The following CENPH variants were observed in gnomAD, a reference collection of about 807,000 sequenced individuals.
The protein encoded by CENPH is CENP-H.
Under a neutral mutation model 42.9 loss-of-function variants are expected in CENPH, and 40 were observed. The ratio of observed to expected loss-of-function variants is 0.93; its 90% confidence interval spans 0.72 to 1.21. The LOEUF (loss-of-function observed/expected upper bound fraction) is 1.21. Ranked by LOEUF, CENPH falls within the 50% of genes most tolerant of loss-of-function variation. The pLI is 0.00. For synonymous variants in CENPH, 88 were observed against 96.5 expected (o/e 0.91, Z 0.52); for missense variants, 302 against 292.9 (o/e 1.03, Z -0.23).
At chr5:69,202,630 G>A in intron 6 of CENPH, 61 bp downstream of exon 6, 1 of 966,018 alleles carries the variant, frequency 1.0e-6, no homozygotes, top group South Asian at 1.4e-5. Context: ...CTTCTTGCTG[G>A]TAACTGTATT....
At chr5:69,206,142 G>A (rs955823353) in intron 7 of CENPH, among the ~76,000 whole-genome samples, 1 of 150,828 alleles carries the variant, frequency 6.6e-6, no homozygotes, top group African/African-American at 2.4e-5. Context: ...TAAGATTACA[G>A]ACGGGATCCT....
intron 5 of CENPH, among the ~76,000 whole-genome samples, chr5:69,202,043 CTG>C (rs1472581777): frequency 6.6e-6 from 1 of 152,202 alleles, no homozygotes; most frequent in Non-Finnish European, 1.5e-5. Context: ...TGAGAAATCT[CTG>C]TACCTTCCAC....
At chr5:69,195,001 G>C (rs1747940786) in intron 3 of CENPH, among the ~76,000 whole-genome samples, 1 of 151,666 alleles carries the variant, frequency 6.6e-6, no homozygotes, top group Non-Finnish European at 1.5e-5. Flanking sequence ...AAGCCAAGGT[G>C]GGTGGATCAC....
At chr5:69,200,747 T>G (rs1179435952) in intron 5 of CENPH, among the ~76,000 whole-genome samples, 1 of 104,422 alleles carries the variant, frequency 9.6e-6, no homozygotes, top group African/African-American at 4.6e-5. Flanking sequence ...TTTTTTTTTT[T>G]TTTTTTGAGA....
intron 7 of CENPH, 181 bp from the exon 8 acceptor site, chr5:69,208,015 T>C (rs1429039377): frequency 7.6e-6 from 3 of 394,558 alleles, no homozygotes; most frequent in Non-Finnish European, 1.4e-5. Flanking sequence ...AATTAAAATA[T>C]TGTTATTTTG....
At position 69,209,851 on chromosome 5, in the gene CENPH, T is replaced by A. The variant is rs765798184; in HGVS notation, c.*52T>A. On this transcript the variant is annotated 3_prime_UTR_variant, in exon 9 of 9. Transcript: ENST00000283006. ...CATTTCTGGCAATCTCAACTCTTATTTGGAATACTTCTGTGCATTTGTCTG... is the reference window on the plus strand; with the variant it reads ...CATTTCTGGCAATCTCAACTCTTATATGGAATACTTCTGTGCATTTGTCTG... 64 of 1,009,152 alleles carry A rather than the reference T, an allele frequency of 6.3e-5. No homozygotes were observed. Among genetic ancestry groups the A allele is most frequent in the Non-Finnish European group, 1.6e-6 (1 of 638,462 alleles). 62.5% of individuals were successfully genotyped at this position (1,009,152 alleles called of 1,614,324 possible). A position where few individuals can be genotyped will look rare whatever the true frequency, so the allele number is the denominator to read the frequency against.
chr5:69,199,684 A>G lies in CENPH; in HGVS notation c.371+2575A>G, dbSNP rs184252279. 3.1e-3 allele frequency among the ~76,000 whole-genome samples: 469 copies of G among 152,244 alleles called. 5 individuals carry two copies. Among genetic ancestry groups the G allele is most frequent in the African/African-American group, 0.011 (457 of 41,542 alleles). On this transcript the variant is annotated intron_variant, in intron 5 of 8. Transcript: ENST00000283006. ...TGGGAGTCCTGATGGTTTCCTGAGA[A>G]GGGAACTCAGGTAAGACAGTTGTAA... is the stretch of plus-strand genomic sequence containing the variant.
chr5:69,190,990 G>A (rs1020617978), intron 1 of CENPH, among the ~76,000 whole-genome samples: 1 of 151,716 alleles, frequency 6.6e-6, no homozygotes, highest in African/African-American at 2.4e-5. Context: ...CCTCACCCTT[G>A]CTGTCATCTT....
Position 69,203,980 on chromosome 5 carries a change from CTA to C in CENPH, c.487+1023_487+1024del, listed in dbSNP as rs1282758621. Among the ~76,000 whole-genome samples the C allele has an allele frequency of 6.0e-4, 71 of 118,132 alleles. 5 individuals are homozygous for C. The highest frequency in any genetic ancestry group is 4.5e-3 in the Admixed American group (46 of 10,142). The allele number at this position is 118,132 out of a possible 152,430, so 77.5% of individuals were successfully genotyped here. A position where few individuals can be genotyped will look rare whatever the true frequency, so the allele number is the denominator to read the frequency against. On this transcript the variant is annotated intron_variant, in intron 7 of 8. Transcript: ENST00000283006. ...AACATTTATATGGACATGGAAATTT[CTA>C]TATATATATATAGAGAGAGAATTTC... is the stretch of plus-strand genomic sequence containing the variant.
rs753226337 is a variant in CENPH at position 69,202,505 on chromosome 5, G to A, written c.372-1G>A. The A allele has an allele frequency of 6.6e-6, 10 of 1,519,752 alleles. No homozygotes were observed. The highest frequency in any genetic ancestry group is 8.1e-6 in the Non-Finnish European group (9 of 1,105,792). 94.1% of individuals were successfully genotyped at this position (1,519,752 alleles called of 1,614,324 possible). ...AAATCATCTTTTTGTTTCCTTTTCAGTGTGCTCATGGATAACATGAAACAC... is the reference window on the plus strand; with the variant it reads ...AAATCATCTTTTTGTTTCCTTTTCAATGTGCTCATGGATAACATGAAACAC... On this transcript the variant is annotated splice_acceptor_variant, in intron 5 of 8. Transcript: ENST00000283006. LOFTEE classifies it high-confidence loss of function.
At chr5:69,197,150 C>G (rs200942253) in intron 5 of CENPH, 41 bp downstream of exon 5, 1 of 1,251,458 alleles carries the variant, frequency 8.0e-7, no homozygotes, top group East Asian at 2.5e-5. Flanking sequence ...AGGATGGGAT[C>G]TGCATAGTGA....
chr5:69,200,910 G>A (rs1171149704), intron 5 of CENPH, among the ~76,000 whole-genome samples: 1 of 150,160 alleles, frequency 6.7e-6, no homozygotes, highest in Non-Finnish European at 1.5e-5. Flanking sequence ...GCTAATTTTT[G>A]TATTTTTAGT....
chr5:69,192,680 C>A (rs1450980659), intron 2 of CENPH, among the ~76,000 whole-genome samples: 1 of 152,138 alleles, frequency 6.6e-6, no homozygotes, highest in Non-Finnish European at 1.5e-5. Context: ...GGACTCACTA[C>A]AACATCCAAC....
At chr5:69,189,885 T>C (rs1364037837) in intron 1 of CENPH, 117 bp downstream of exon 1, 6 of 1,161,632 alleles carry the variant, frequency 5.2e-6, no homozygotes, top group Non-Finnish European at 7.0e-6. Context: ...GTCTCCGTGA[T>C]TGCCTCATTC....
At chr5:69,209,599 A>T (rs959268527) in intron 8 of CENPH, 108 bp from the exon 9 acceptor site, 7 of 603,610 alleles carry the variant, frequency 1.2e-5, no homozygotes, top group African/African-American at 7.5e-5. Context: ...AGAGCTACAC[A>T]TGTAGTAAAT....
chr5:69,198,852 C>T (rs551121222), intron 5 of CENPH, among the ~76,000 whole-genome samples: 1 of 152,132 alleles, frequency 6.6e-6, no homozygotes, highest in South Asian at 2.1e-4. Context: ...GAGGATCAGC[C>T]TCCTGCCTTG....
intron 1 of CENPH, 31 bp from the exon 2 acceptor site, chr5:69,191,764 G>T: frequency 7.3e-7 from 1 of 1,369,930 alleles, no homozygotes; most frequent in South Asian, 1.2e-5. Context: ...CAATAAATAT[G>T]TGACTTTATA....
At chr5:69,196,636 G>T (rs571766207) in intron 4 of CENPH, among the ~76,000 whole-genome samples, 1 of 152,202 alleles carries the variant, frequency 6.6e-6, no homozygotes, top group Admixed American at 6.5e-5. Context: ...GACAGAGCAA[G>T]ATTCCCTCTC....
At position 69,197,235 on chromosome 5, in the gene CENPH, T is replaced by G. The variant is rs557416671; in HGVS notation, c.371+126T>G. ...TGGGGAATAAGGAAAGTGATGAAAT[T>G]TTTGTAGGTCCTCCCCAGAATTACA... On this transcript the variant is annotated intron_variant, in intron 5 of 8. Coordinates refer to ENST00000283006, the MANE Select transcript of CENPH (RefSeq NM_022909.4). 3.8e-5 allele frequency: 19 copies of G among 500,524 alleles called. No individual in the cohort carries two copies. In the South Asian group the frequency reaches 1.0e-3, roughly 27 times the overall value. The allele number at this position is 500,524 out of a possible 1,614,324, so 31.0% of individuals were successfully genotyped here.
Sources: allele counts gnomAD v4.1 joint callset (sites outside exome capture counted in the v4.1 genomes callset), GRCh38; gene constraint gnomAD v4.1.1; transcripts MANE v1.5; gene names NCBI Gene and HGNC (gene_info 2026-07-23, HGNC 2026-07-21).